The following PTPN13 variants were observed in gnomAD, a reference collection of about 807,000 sequenced individuals.
The protein encoded by PTPN13 is tyrosine-protein phosphatase non-receptor type 13.
In PTPN13, 191 loss-of-function variants were observed where a neutral mutation model predicts 284.0. That is an observed-to-expected ratio of 0.67 (90% CI 0.60 to 0.76). The LOEUF (loss-of-function observed/expected upper bound fraction) is 0.76, where lower values mean the gene tolerates loss of function less well. Ranked by LOEUF, PTPN13 falls within the 30% of genes least tolerant of loss-of-function variation. The probability of loss-of-function intolerance (pLI) is 0.00; values close to 1 mark genes in which losing one functional copy is unlikely to be tolerated. For synonymous variants in PTPN13, 986 were observed against 1,022.3 expected, an observed-to-expected ratio of 0.96 and a Z score of 0.68; for missense variants, 2,797 against 2,939.9, an observed-to-expected ratio of 0.95 and a Z score of 1.12.
chr4:86,704,203 T>C (rs1259082499), intron 7 of PTPN13, among the ~76,000 whole-genome samples: 1 of 152,098 alleles, frequency 6.6e-6, no homozygotes, highest in African/African-American at 2.4e-5. Context: ...ATCATTATAA[T>C]TTCTAATGTT....
chr4:86,714,168 A>G (rs1486291090), intron 7 of PTPN13, among the ~76,000 whole-genome samples: 1 of 151,726 alleles, frequency 6.6e-6, no homozygotes, highest in Non-Finnish European at 1.5e-5. Flanking sequence ...GAAAGCTTTC[A>G]TGTACTTTTT....
chr4:86,771,132 T>C (rs1351111434), intron 30 of PTPN13, 39 bp from the exon 31 acceptor site: 2 of 1,516,450 alleles, frequency 1.3e-6, no homozygotes, highest in Admixed American at 4.4e-5. Context: ...CTAAAATTCA[T>C]AGAATGGTCA....
chr4:86,728,662 T>TTATTTA, intron 10 of PTPN13, among the ~76,000 whole-genome samples: 3 of 107,290 alleles, frequency 2.8e-5, no homozygotes, highest in African/African-American at 1.1e-4. Flanking sequence ...TTTTTTTTTT[T>TTATTTA]TTTTTTTTTT....
intron 2 of PTPN13, among the ~76,000 whole-genome samples, chr4:86,637,102 A>G (rs1227557597): frequency 6.6e-6 from 1 of 152,190 alleles, no homozygotes; most frequent in African/African-American, 2.4e-5. Context: ...ATTCCTCGAC[A>G]CATACACTCT....
chr4:86,598,309 T>TA (rs1172101853), intron 1 of PTPN13, among the ~76,000 whole-genome samples: 3 of 152,040 alleles, frequency 2.0e-5, no homozygotes, highest in Admixed American at 1.3e-4. Context: ...CACACCTGGC[T>TA]AATTTCTATA....
rs546890122 is a variant in PTPN13, at chr4:86,599,075, T to C, written c.-6+4286T>C. On this transcript the variant is annotated intron_variant, in intron 1 of 47. Coordinates refer to ENST00000411767, the MANE Select transcript of PTPN13 (RefSeq NM_080683.3). Reference sequence around the variant, plus strand: ...TGCACCTGGTCTGGATAGCTTTTAATAATCTCCATGCCCCGGCCTCAACTC... The same window carrying C: ...TGCACCTGGTCTGGATAGCTTTTAACAATCTCCATGCCCCGGCCTCAACTC... Among the ~76,000 whole-genome samples, 49 of 152,302 alleles carry C rather than the reference T, an allele frequency of 3.2e-4. No homozygotes were observed. The South Asian group carries it at 8.3e-3, about 26-fold the overall frequency.
At chr4:86,708,481 C>T (rs761616820) in intron 7 of PTPN13, among the ~76,000 whole-genome samples, 20 of 151,998 alleles carry the variant, frequency 1.3e-4, no homozygotes, top group Admixed American at 4.6e-4. Flanking sequence ...CTCATGATAA[C>T]GTGAGATCAG....
At chr4:86,616,085 T>C (rs1240962071) in intron 1 of PTPN13, among the ~76,000 whole-genome samples, 1 of 152,196 alleles carries the variant, frequency 6.6e-6, no homozygotes, top group Non-Finnish European at 1.5e-5. Context: ...TTTGAGTTTA[T>C]TGTCATTCAG....
At chr4:86,716,899 T>C in intron 8 of PTPN13, 125 bp from the exon 9 acceptor site, 1 of 669,536 alleles carries the variant, frequency 1.5e-6, no homozygotes, top group South Asian at 2.0e-5. Flanking sequence ...TAACATTATG[T>C]CATTAATTTT....
intron 1 of PTPN13, among the ~76,000 whole-genome samples, chr4:86,629,027 A>G (rs1256334517): frequency 6.6e-6 from 1 of 152,098 alleles, no homozygotes; most frequent in East Asian, 1.9e-4. Flanking sequence ...CAGTCAGGAC[A>G]TAGGCGTGGG....
chr4:86,662,290 T>G (rs1464831924), intron 2 of PTPN13, among the ~76,000 whole-genome samples: 1 of 152,172 alleles, frequency 6.6e-6, no homozygotes, highest in African/African-American at 2.4e-5. Flanking sequence ...TTTAATAGGG[T>G]GGTCAAATAA....
intron 47 of PTPN13, 45 bp from the exon 48 acceptor site, chr4:86,814,411 A>G (rs1270837178): frequency 8.1e-7 from 1 of 1,239,800 alleles, no homozygotes; most frequent in Admixed American, 2.0e-5. Flanking sequence ...TATAATATTT[A>G]CATTATACAT....
chr4:86,620,255 T>C (rs566321765), intron 1 of PTPN13, among the ~76,000 whole-genome samples: 1 of 152,244 alleles, frequency 6.6e-6, no homozygotes, highest in South Asian at 2.1e-4. Flanking sequence ...AGCCTTGACT[T>C]CCCCAGCTCA....
intron 47 of PTPN13, among the ~76,000 whole-genome samples, chr4:86,813,597 A>G (rs1417452449): frequency 2.0e-5 from 3 of 151,920 alleles, no homozygotes; most frequent in Non-Finnish European, 4.4e-5. Context: ...GGTGCCTGCC[A>G]CCTCACTTTA....
At chr4:86,794,484 A>G (rs2149346621) in intron 40 of PTPN13, among the ~76,000 whole-genome samples, 1 of 152,344 alleles carries the variant, frequency 6.6e-6, no homozygotes, top group East Asian at 1.9e-4. Flanking sequence ...AAAGTAATTT[A>G]TAGATTCAAT....
chr4:86,650,566 G>C (rs1010845557), intron 2 of PTPN13, among the ~76,000 whole-genome samples: 2 of 152,096 alleles, frequency 1.3e-5, no homozygotes, highest in Admixed American at 6.6e-5. Flanking sequence ...GTCTCCTAAA[G>C]GGCTGGAATT....
intron 7 of PTPN13, among the ~76,000 whole-genome samples, chr4:86,710,148 TG>T (rs1732228772): frequency 6.6e-6 from 1 of 152,216 alleles, no homozygotes; most frequent in Admixed American, 6.5e-5. Context: ...ATATTATTAC[TG>T]TGTTTCTCTG....
In PTPN13 at chr4:86,727,237, A is replaced by G. The variant is rs987860768; in HGVS notation, c.1608+4803A>G. ...TGCTAGTATTTTATTGAGGATTTTCACATTGATGTTCATCAGGGATATTGG... is the reference window on the plus strand; with the variant it reads ...TGCTAGTATTTTATTGAGGATTTTCGCATTGATGTTCATCAGGGATATTGG... On this transcript the variant is annotated intron_variant, in intron 10 of 47. Coordinates refer to ENST00000411767, the MANE Select transcript of PTPN13 (RefSeq NM_080683.3). 3.3e-4 allele frequency among the ~76,000 whole-genome samples: 50 copies of G among 149,320 alleles called. 1 individual carries two copies. The highest frequency in any genetic ancestry group is 1.2e-3 in the African/African-American group (48 of 40,984).
At chr4:86,670,554 G>T (rs1727617367) in intron 2 of PTPN13, among the ~76,000 whole-genome samples, 1 of 151,978 alleles carries the variant, frequency 6.6e-6, no homozygotes, top group Non-Finnish European at 1.5e-5. Context: ...TCAGTTACCA[G>T]CAGGTTCTCA....
Sources: allele counts gnomAD v4.1 joint callset (sites outside exome capture counted in the v4.1 genomes callset), GRCh38; gene constraint gnomAD v4.1.1; transcripts MANE v1.5; gene names NCBI Gene and HGNC (gene_info 2026-07-23, HGNC 2026-07-21).